The following PRKCQ variants were observed in gnomAD, a reference collection of about 807,000 sequenced individuals.
PRKCQ encodes the protein protein kinase C theta, also known as protein kinase C theta type.
A neutral mutation model predicts 91.2 loss-of-function variants in PRKCQ; 41 were observed. The observed-to-expected ratio is 0.45, with a 90% CI of 0.35 to 0.58. PRKCQ has a LOEUF of 0.58. Among genes scored for constraint, PRKCQ ranks in the 20% least tolerant of loss-of-function variants. The probability of loss-of-function intolerance (pLI) is 0.00; values close to 1 mark genes in which losing one functional copy is unlikely to be tolerated. For synonymous variants in PRKCQ, 307 were observed against 316.9 expected (o/e 0.97, Z 0.33); for missense variants, 673 against 896.5 (o/e 0.75, Z 3.18).
chr10:6,433,612 G>C (rs954838805), intron 16 of PRKCQ, among the ~76,000 whole-genome samples: 6 of 151,910 alleles, frequency 3.9e-5, no homozygotes, highest in Non-Finnish European at 8.8e-5. Context: ...AAATGGAGTG[G>C]GTACTAAAAG....
chr10:6,525,632 A>T (rs1839170626), intron 1 of PRKCQ, among the ~76,000 whole-genome samples: 1 of 152,202 alleles, frequency 6.6e-6, no homozygotes, highest in African/African-American at 2.4e-5. Context: ...AAGATGTCAA[A>T]AGGAAAAATG....
intron 4 of PRKCQ, among the ~76,000 whole-genome samples, chr10:6,499,332 G>T (rs1375392959): frequency 6.6e-6 from 1 of 152,132 alleles, no homozygotes; most frequent in East Asian, 1.9e-4. Flanking sequence ...GATAGTCACT[G>T]TTTACAGTGC....
chr10:6,467,899 T>C (rs1159792908), intron 12 of PRKCQ, among the ~76,000 whole-genome samples: 1 of 152,210 alleles, frequency 6.6e-6, no homozygotes, highest in Non-Finnish European at 1.5e-5. Flanking sequence ...GTTTGTGTTA[T>C]TGATGTTTTA....
At chr10:6,560,496 G>A (rs1435412520) in intron 1 of PRKCQ, among the ~76,000 whole-genome samples, 2 of 152,102 alleles carry the variant, frequency 1.3e-5, no homozygotes, top group Non-Finnish European at 2.9e-5. Context: ...GGAACCATCA[G>A]GACAAAATGA....
In PRKCQ at chr10:6,465,785, C is replaced by T. The variant is rs1171968684; in HGVS notation, c.1354-1381G>A. 6.6e-6 allele frequency among the ~76,000 whole-genome samples: 1 copy of T among 152,226 alleles called. No homozygotes were observed. Among genetic ancestry groups the T allele is most frequent in the African/African-American group, 2.4e-5 (1 of 41,474 alleles). ...TGGCAATTATCTCAATAATCCAGGT[C>T]AAGGTAAGCATCCGTCTTTTTTCAA... On this transcript the variant is annotated intron_variant, in intron 12 of 17. Coordinates refer to ENST00000263125, the MANE Select transcript of PRKCQ (RefSeq NM_006257.5). The surrounding 1 kb of genome is among the most constrained non-coding windows in gnomAD (Gnocchi z 4.4).
At chr10:6,485,068 G>T in intron 10 of PRKCQ, 84 bp downstream of exon 10, 1 of 1,225,306 alleles carries the variant, frequency 8.2e-7, no homozygotes. Flanking sequence ...CAGGTAAGCT[G>T]ATAACTTAAA....
At chr10:6,500,430 CATAT>C (rs1251304016) in intron 4 of PRKCQ, among the ~76,000 whole-genome samples, 2 of 150,710 alleles carry the variant, frequency 1.3e-5, no homozygotes, top group South Asian at 4.2e-4. Context: ...TGTTTATATA[CATAT>C]ATGTCTACAT....
the PRKCQ span, among the ~76,000 whole-genome samples, chr10:6,422,032 G>A: frequency 1.3e-5 from 2 of 152,120 alleles, no homozygotes; most frequent in African/African-American, 4.8e-5. Flanking sequence ...AGCTGTATAA[G>A]AAAAATAAAG....
At chr10:6,398,423 G>C in the PRKCQ span, among the ~76,000 whole-genome samples, 2 of 152,204 alleles carry the variant, frequency 1.3e-5, no homozygotes, top group African/African-American at 4.8e-5. Context: ...ATTTTGAGAG[G>C]CTTGCATAAG....
intron 1 of PRKCQ, among the ~76,000 whole-genome samples, chr10:6,555,174 C>T (rs1447234563): frequency 6.6e-6 from 1 of 151,880 alleles, no homozygotes; most frequent in Non-Finnish European, 1.5e-5. Flanking sequence ...CTATTGGGTA[C>T]TATGCTCAGT....
intron 1 of PRKCQ, among the ~76,000 whole-genome samples, chr10:6,557,104 A>G (rs1358934053): frequency 6.6e-6 from 1 of 152,056 alleles, no homozygotes; most frequent in Non-Finnish European, 1.5e-5. Context: ...TGCAACCTCT[A>G]ACAACTTCTG....
At position 6,511,255 on chromosome 10, in the gene PRKCQ, T is replaced by C. The variant is rs115306606; in HGVS notation, c.119-61A>G. The C allele has an allele frequency of 3.6e-3, 5,408 of 1,508,288 alleles. 92 individuals are homozygous for C. The African/African-American group carries it at 0.042, about 12-fold the overall frequency. 93.4% of individuals were successfully genotyped at this position (1,508,288 alleles called of 1,614,324 possible). A position where few individuals can be genotyped will look rare whatever the true frequency, so the allele number is the denominator to read the frequency against. On this transcript the variant is annotated intron_variant, in intron 2 of 17. Transcript: ENST00000263125. ...AGCCAGGCCTGGAAAATAATTCAGT[T>C]CAACTCAACAGTAGCACCTGCTCCC...
chr10:6,504,039 A>C (rs1838058836), intron 4 of PRKCQ, among the ~76,000 whole-genome samples: 1 of 152,220 alleles, frequency 6.6e-6, no homozygotes, highest in Middle Eastern at 3.2e-3. Flanking sequence ...TGGCCCCCAA[A>C]GTGCTGGGAT....
intron 15 of PRKCQ, among the ~76,000 whole-genome samples, chr10:6,452,163 A>G (rs1201203769): frequency 1.3e-5 from 2 of 152,186 alleles, no homozygotes; most frequent in African/African-American, 4.8e-5. Flanking sequence ...ACATGATTGT[A>G]TATCTAGAAA....
chr10:6,527,215 G>T (rs1249189080), intron 1 of PRKCQ, among the ~76,000 whole-genome samples: 2 of 152,176 alleles, frequency 1.3e-5, no homozygotes, highest in African/African-American at 4.8e-5. Context: ...ATGAACTAAG[G>T]ATGTAAAAGT....
chr10:6,426,879 G>A (rs1833137432), downstream of PRKCQ, among the ~76,000 whole-genome samples: 1 of 152,126 alleles, frequency 6.6e-6, no homozygotes, highest in Non-Finnish European at 1.5e-5. Flanking sequence ...GGGATTATAG[G>A]CCCCCGCCAC....
chr10:6,455,325 T>TA lies in PRKCQ; in HGVS notation c.1647+1348dup, dbSNP rs1301347278. On this transcript the variant is annotated intron_variant, in intron 15 of 17. Transcript: ENST00000263125. ...ACATAGATTTCTACGATCAGAAAGT[T>TA]ATTTAATCAATAAGCCTCGCTCTGT... Among the ~76,000 whole-genome samples the TA allele has an allele frequency of 5.9e-5, 9 of 152,342 alleles. No homozygotes were observed. In the East Asian group the frequency reaches 7.7e-4, roughly 13 times the overall value.
At chr10:6,415,440 A>ATG in the PRKCQ span, among the ~76,000 whole-genome samples, 1 of 107,516 alleles carries the variant, frequency 9.3e-6, no homozygotes, top group African/African-American at 3.4e-5. Flanking sequence ...ATATATATAT[A>ATG]TATATATATA....
intron 15 of PRKCQ, among the ~76,000 whole-genome samples, chr10:6,456,417 T>C (rs1035072629): frequency 3.9e-5 from 6 of 152,038 alleles, no homozygotes; most frequent in African/African-American, 1.4e-4. Flanking sequence ...CTGAGCAGAG[T>C]GAATATGTTT....
Sources: gnomAD v4.1 joint callset for allele counts (sites outside exome capture counted in the v4.1 genomes callset) on GRCh38, gnomAD v4.1.1 for gene constraint, Gnocchi (gnomAD v3.1) non-coding constraint, MANE v1.5 for transcripts, NCBI Gene and HGNC (gene_info 2026-07-23, HGNC 2026-07-21) for gene names.